The following ONECUT2 variants were observed in gnomAD, a reference collection of about 807,000 sequenced individuals.
ONECUT2 encodes the protein one cut domain family member 2.
ONECUT2 carries 10 observed loss-of-function variants against 27.9 expected under a neutral mutation model. That is an observed-to-expected ratio of 0.36 (90% CI 0.22 to 0.61). The LOEUF (loss-of-function observed/expected upper bound fraction) is 0.61, where lower values mean the gene tolerates loss of function less well. ONECUT2 is among the 20% of genes least tolerant of loss of function. The pLI, the probability that ONECUT2 is intolerant of heterozygous loss-of-function variation, is 0.73. For synonymous variants in ONECUT2, 334 were observed against 315.1 expected, an observed-to-expected ratio of 1.06 and a Z score of -0.64; for missense variants, 686 against 721.0, an observed-to-expected ratio of 0.95 and a Z score of 0.56.
In ONECUT2 at chr18:57,476,608, T is replaced by C. The variant is rs757095200; in HGVS notation, c.1400T>C (p.Leu467Pro). ...ITISQQLGLELTTVSNFFMNA... is the reference protein window; with the variant it reads ...ITISQQLGLEPTTVSNFFMNA... ...ATTTCCCAGCAGCTGGGCCTGGAGC[T>C]CACAACCGTCAGCAACTTCTTCATG... Residue 467 changes from leucine to proline, a missense_variant, in exon 2 of 2, where the codon CTC becomes CCC. Leu to Pro is a moderately conservative substitution (Grantham distance 98). Around this residue, in one of 4 missense-constraint regions of ONECUT2, gnomAD observed 77 missense variants for 105.5 expected, o/e 0.73. Coordinates refer to ENST00000491143, the MANE Select transcript of ONECUT2 (RefSeq NM_004852.3). The C allele has an allele frequency of 6.2e-7, 1 of 1,614,038 alleles. No homozygotes were observed. Among genetic ancestry groups the C allele is most frequent in the Non-Finnish European group, 8.5e-7 (1 of 1,179,994 alleles).
At chr18:57,450,666 G>T (rs1372711348) in intron 1 of ONECUT2, among the ~76,000 whole-genome samples, 1 of 152,144 alleles carries the variant, frequency 6.6e-6, no homozygotes, top group East Asian at 1.9e-4. Context: ...ACCCACCTCA[G>T]GGCAATTGTG....
Position 57,481,154 on chromosome 18 carries a change from TAC to T in ONECUT2, c.*4433_*4434del, listed in dbSNP as rs771197664. ...AATAAAAAAAAACAGACAGAGCCAA[TAC>T]ATTTCTTTTTTTAAAGGAAACAGCA... On this transcript the variant is annotated 3_prime_UTR_variant, in exon 2 of 2. Coordinates refer to ENST00000491143, the MANE Select transcript of ONECUT2 (RefSeq NM_004852.3). 2.1e-4 allele frequency: 31 copies of T among 150,742 alleles called. No individual in the cohort carries two copies. Among genetic ancestry groups the T allele is most frequent in the African/African-American group, 7.0e-4 (29 of 41,436 alleles). 9.3% of individuals were successfully genotyped at this position (150,742 alleles called of 1,614,324 possible).
At chr18:57,463,832 T>G (rs1297144879) in intron 1 of ONECUT2, among the ~76,000 whole-genome samples, 2 of 152,240 alleles carry the variant, frequency 1.3e-5, no homozygotes, top group Non-Finnish European at 2.9e-5. Context: ...ATTCTCATAC[T>G]AATTCTAACA....
intron 1 of ONECUT2, among the ~76,000 whole-genome samples, chr18:57,451,140 G>A (rs754721855): frequency 5.3e-5 from 8 of 152,268 alleles, no homozygotes; most frequent in African/African-American, 1.7e-4. Context: ...ATATTAGCTC[G>A]TGATATTTCA....
chr18:57,468,596 G>T (rs1242935083), intron 1 of ONECUT2, among the ~76,000 whole-genome samples: 1 of 152,202 alleles, frequency 6.6e-6, no homozygotes, highest in Middle Eastern at 3.2e-3. Flanking sequence ...CTCCTCCCAG[G>T]TGGGTGATCA....
chr18:57,469,596 A>G (rs545738559), intron 1 of ONECUT2, among the ~76,000 whole-genome samples: 2 of 152,342 alleles, frequency 1.3e-5, no homozygotes, highest in African/African-American at 4.8e-5. Context: ...TACCTCTTAT[A>G]TGAGGCTGGG....
chr18:57,473,734 G>A (rs586259), intron 1 of ONECUT2, among the ~76,000 whole-genome samples: 106,018 of 152,056 alleles, frequency 0.7, 38,950 homozygotes, highest in East Asian at 0.91. Context: ...AGCCCTCCAG[G>A]TGATTCCTAT....
rs1277151991 is a variant in ONECUT2 at position 57,436,972 on chromosome 18, G to C, written c.1228+28G>C. The stretch of plus-strand genomic sequence containing the variant: ...AAGGCCGGGGCTAGCCAGGGGCCAG[G>C]CTGCTGGGAAGAGGGCTCCGGGTCC... On this transcript the variant is annotated intron_variant, in intron 1 of 1. Transcript: ENST00000491143. The surrounding 1 kb of genome is among the most constrained non-coding windows in gnomAD (Gnocchi z 5.9). 6.5e-7 allele frequency: 1 copy of C among 1,547,054 alleles called. No individual in the cohort carries two copies. Among genetic ancestry groups the C allele is most frequent in the South Asian group, 1.2e-5 (1 of 82,870 alleles).
At chr18:57,468,071 T>C (rs570661146) in intron 1 of ONECUT2, among the ~76,000 whole-genome samples, 1 of 152,214 alleles carries the variant, frequency 6.6e-6, no homozygotes, top group African/African-American at 2.4e-5. Context: ...AGGTCTGTCT[T>C]GCAAGGCCTG....
rs1262199463 is a variant in ONECUT2 at position 57,491,210 on chromosome 18, C to A, written c.*14487C>A. 6.6e-6 allele frequency: 1 copy of A among 152,602 alleles called. No individual in the cohort carries two copies. Among genetic ancestry groups the A allele is most frequent in the East Asian group, 1.9e-4 (1 of 5,188 alleles). The allele number at this position is 152,602 out of a possible 1,614,324, so 9.5% of individuals were successfully genotyped here. On this transcript the variant is annotated 3_prime_UTR_variant, in exon 2 of 2. Transcript: ENST00000491143. ...TGTTTTGTCTGCAACATCGCTTACA[C>A]TGGATTCTTTCTATTTTTATTCCTA...
intron 1 of ONECUT2, among the ~76,000 whole-genome samples, chr18:57,467,897 C>A (rs1269648607): frequency 6.6e-6 from 1 of 152,184 alleles, no homozygotes; most frequent in Non-Finnish European, 1.5e-5. Context: ...CATGGCCCCT[C>A]CTGCCTTCTT....
rs1004384229 is a variant in ONECUT2, at chr18:57,477,899, A to G, written c.*1176A>G. 4 of 152,612 alleles carry G rather than the reference A, an allele frequency of 2.6e-5. No individual in the cohort carries two copies. The highest frequency in any genetic ancestry group is 9.7e-5 in the African/African-American group (4 of 41,440). The allele number at this position is 152,612 out of a possible 1,614,324, so 9.5% of individuals were successfully genotyped here. ...AAAAAAATCAATCAATCAAACCTGCATACATGTTACTCATGACTGTCATCT... is the reference window on the plus strand; with the variant it reads ...AAAAAAATCAATCAATCAAACCTGCGTACATGTTACTCATGACTGTCATCT... On this transcript the variant is annotated 3_prime_UTR_variant, in exon 2 of 2. Coordinates refer to ENST00000491143, the MANE Select transcript of ONECUT2 (RefSeq NM_004852.3).
At chr18:57,442,771 C>T (rs1249954926) in intron 1 of ONECUT2, among the ~76,000 whole-genome samples, 3 of 152,184 alleles carry the variant, frequency 2.0e-5, no homozygotes, top group South Asian at 4.1e-4. Context: ...ATGGTGAGGT[C>T]TGGGCAAAGG....
Position 57,488,428 on chromosome 18 carries a change from A to T in ONECUT2, c.*11705A>T, listed in dbSNP as rs1464358571. On this transcript the variant is annotated 3_prime_UTR_variant, in exon 2 of 2. Coordinates refer to ENST00000491143, the MANE Select transcript of ONECUT2 (RefSeq NM_004852.3). ...GTTCAAATCCATTTTTGATCCAAAG[A>T]AAGTAGAGGAGTATTTGAGACATGA... The T allele has an allele frequency of 3.3e-5, 5 of 152,638 alleles. No individual in the cohort carries two copies. Among genetic ancestry groups the T allele is most frequent in the African/African-American group, 1.2e-4 (5 of 41,444 alleles). The allele number at this position is 152,638 out of a possible 1,614,324, so 9.5% of individuals were successfully genotyped here.
intron 1 of ONECUT2, among the ~76,000 whole-genome samples, chr18:57,470,485 C>T (rs935076002): frequency 6.6e-6 from 1 of 152,128 alleles, no homozygotes; most frequent in African/African-American, 2.4e-5. Flanking sequence ...AAAGAAATTC[C>T]CAATGGGGGA....
At chr18:57,460,036 CA>C (rs2050281561) in intron 1 of ONECUT2, among the ~76,000 whole-genome samples, 1 of 152,190 alleles carries the variant, frequency 6.6e-6, no homozygotes, top group Admixed American at 6.5e-5. Flanking sequence ...GATCCTCCTA[CA>C]AAAGCTTCCC....
intron 1 of ONECUT2, among the ~76,000 whole-genome samples, chr18:57,443,366 C>T (rs953068366): frequency 1.3e-5 from 2 of 152,084 alleles, no homozygotes; most frequent in Admixed American, 6.5e-5. Context: ...CTTTTAGGGA[C>T]CTTTGTTTTT....
rs1386132113 is a variant in ONECUT2, at chr18:57,488,587, G to A, written c.*11864G>A. The stretch of plus-strand genomic sequence containing the variant: ...TTATGTCCTTTTCTTTTAACATTGT[G>A]GAAAGTGGTATGTTGAATCAAGTGT... On this transcript the variant is annotated 3_prime_UTR_variant, in exon 2 of 2. Coordinates refer to ENST00000491143, the MANE Select transcript of ONECUT2 (RefSeq NM_004852.3). The A allele has an allele frequency of 6.6e-6, 1 of 152,586 alleles. No homozygotes were observed. The highest frequency in any genetic ancestry group is 1.9e-4 in the East Asian group (1 of 5,198). The allele number at this position is 152,586 out of a possible 1,614,324, so 9.5% of individuals were successfully genotyped here. A position where few individuals can be genotyped will look rare whatever the true frequency, so the allele number is the denominator to read the frequency against.
At chr18:57,446,741 C>A (rs1218094093) in intron 1 of ONECUT2, among the ~76,000 whole-genome samples, 1 of 152,124 alleles carries the variant, frequency 6.6e-6, no homozygotes, top group Non-Finnish European at 1.5e-5. Context: ...AATTCATTGC[C>A]AAGGAGAAAT....
Sources: gnomAD v4.1 joint callset for allele counts (sites outside exome capture counted in the v4.1 genomes callset) on GRCh38, gnomAD v4.1.1 for gene constraint, gnomAD v4.1.1 regional missense constraint, Gnocchi (gnomAD v3.1) non-coding constraint, MANE v1.5 for transcripts, NCBI Gene and HGNC (gene_info 2026-07-23, HGNC 2026-07-21) for gene names.